The following GLYAT variants were observed in gnomAD, a reference collection of about 807,000 sequenced individuals.
The protein encoded by GLYAT is glycine-N-acyltransferase.
In GLYAT, 25 loss-of-function variants were observed where a neutral mutation model predicts 22.8. The ratio of observed to expected loss-of-function variants is 1.09; its 90% CI spans 0.80 to 1.53. The LOEUF is 1.53. Ranked by LOEUF, GLYAT falls within the 40% of genes most tolerant of loss-of-function variation. The pLI, the probability that GLYAT is intolerant of heterozygous loss-of-function variation, is 0.00. For missense variants in GLYAT, 411 were observed against 353.9 expected (o/e 1.16, Z -1.29); for synonymous variants, 140 against 122.7 (o/e 1.14, Z -0.93).
Position 58,723,890 on chromosome 11 carries a change from G to A in GLYAT, c.81+526C>T, listed in dbSNP as rs568663579. On this transcript the variant is annotated intron_variant, in intron 2 of 5. Transcript: ENST00000344743. ...CTGGGAGCTAGCCCTAAAGTAACTC[G>A]ACCTGCCTTCAATTCAGAGCAATTG... 5.3e-5 allele frequency among the ~76,000 whole-genome samples: 8 copies of A among 151,820 alleles called. No homozygotes were observed. The South Asian group carries it at 8.3e-4, about 16-fold the overall frequency.
chr11:58,710,575 T>C lies in GLYAT; in HGVS notation c.488+15A>G, dbSNP rs531450351. Reference sequence around the variant, plus strand: ...AGAGGTGTGAGTGGTATAGACTGGATTTTATCAAACTCACATGGCCTTGGG... The same window carrying C: ...AGAGGTGTGAGTGGTATAGACTGGACTTTATCAAACTCACATGGCCTTGGG... On this transcript the variant is annotated intron_variant, in intron 5 of 5. Coordinates refer to ENST00000344743, the MANE Select transcript of GLYAT (RefSeq NM_201648.3). The C allele has an allele frequency of 1.3e-6, 2 of 1,581,504 alleles. No homozygotes were observed. The highest frequency in any genetic ancestry group is 1.7e-6 in the Non-Finnish European group (2 of 1,149,838).
chr11:58,728,330 G>C (rs1480175866), intron 1 of GLYAT, among the ~76,000 whole-genome samples: 2 of 151,920 alleles, frequency 1.3e-5, no homozygotes, highest in African/African-American at 4.8e-5. Context: ...CAAAGTGCTG[G>C]GATTACAGGC....
chr11:58,722,803 A>G (rs1006140634), intron 2 of GLYAT, among the ~76,000 whole-genome samples: 1 of 152,082 alleles, frequency 6.6e-6, no homozygotes, highest in Non-Finnish European at 1.5e-5. Flanking sequence ...TGCATTTTAT[A>G]TCTAACACTC....
intron 1 of GLYAT, among the ~76,000 whole-genome samples, chr11:58,730,327 G>T (rs993756397): frequency 6.6e-6 from 1 of 152,042 alleles, no homozygotes; most frequent in Non-Finnish European, 1.5e-5. Context: ...ATAAAAATTA[G>T]TTGGGTATGG....
intron 1 of GLYAT, among the ~76,000 whole-genome samples, chr11:58,726,835 G>A (rs1400666107): frequency 6.6e-6 from 1 of 152,080 alleles, no homozygotes; most frequent in Non-Finnish European, 1.5e-5. Flanking sequence ...CTCATGAAAA[G>A]CCTTCATATG....
intron 4 of GLYAT, among the ~76,000 whole-genome samples, chr11:58,711,356 C>A (rs1856614856): frequency 6.6e-6 from 1 of 152,174 alleles, no homozygotes; most frequent in Non-Finnish European, 1.5e-5. Context: ...ACCCTGTCTC[C>A]TCTGTTCAGT....
chr11:58,710,797 G>A (rs1856606484), intron 4 of GLYAT, 36 bp from the exon 5 acceptor site: 2 of 1,276,674 alleles, frequency 1.6e-6, no homozygotes, highest in South Asian at 2.4e-5. Context: ...AAATGGTTTA[G>A]GTATATTCTA....
At position 58,709,634 on chromosome 11, in the gene GLYAT, G is replaced by T; in HGVS notation, c.*132C>A. On this transcript the variant is annotated 3_prime_UTR_variant, in exon 6 of 6. Coordinates refer to ENST00000344743, the MANE Select transcript of GLYAT (RefSeq NM_201648.3). Reference sequence around the variant, plus strand: ...TGGCGATGCTGTTGAACATCACACTGCTTCCCCAGAGTCCAAACAGTGCCC... The same window carrying T: ...TGGCGATGCTGTTGAACATCACACTTCTTCCCCAGAGTCCAAACAGTGCCC... The T allele has an allele frequency of 1.1e-6, 1 of 922,580 alleles. No individual in the cohort carries two copies. Among genetic ancestry groups the T allele is most frequent in the Non-Finnish European group, 1.6e-6 (1 of 614,212 alleles). The allele number at this position is 922,580 out of a possible 1,614,324, so 57.1% of individuals were successfully genotyped here. A position where few individuals can be genotyped will look rare whatever the true frequency, so the allele number is the denominator to read the frequency against.
intron 2 of GLYAT, among the ~76,000 whole-genome samples, chr11:58,716,988 TTG>T (rs1241518893): frequency 2.0e-5 from 3 of 152,012 alleles, no homozygotes; most frequent in Non-Finnish European, 4.4e-5. Flanking sequence ...ACACAAATGG[TTG>T]TGTTATTTTG....
intron 2 of GLYAT, among the ~76,000 whole-genome samples, chr11:58,717,020 C>T (rs1049493770): frequency 1.3e-5 from 2 of 152,038 alleles, no homozygotes; most frequent in African/African-American, 2.4e-5. Flanking sequence ...TTAGCCTTTC[C>T]AAAGGAGGCA....
chr11:58,720,053 CT>C (rs1434886587), intron 2 of GLYAT, among the ~76,000 whole-genome samples: 7 of 151,782 alleles, frequency 4.6e-5, no homozygotes, highest in African/African-American at 1.7e-4. Flanking sequence ...TCTCTTTAAG[CT>C]TTTTTACCTA....
rs780976003 is a variant in GLYAT, at chr11:58,710,754, C to A, written c.324G>T (p.Gln108His). The change falls in exon 5 of 6, where the codon CAG becomes CAT. Residue 108 changes from glutamine (Q) to histidine (H), a missense_variant. Physicochemically the swap from Gln to His is conservative, Grantham distance 24. Transcript: ENST00000344743. ...WKQHLQIQSSQPSLNEAIQNL... is the reference protein window; with the variant it reads ...WKQHLQIQSSHPSLNEAIQNL... ...TTTGTATAGCCTCATTCAGGCTAGG[C>A]TGTGAACCTAGACGGTATAATAAAC... The A allele has an allele frequency of 6.3e-7, 1 of 1,590,964 alleles. No homozygotes were observed. The highest frequency in any genetic ancestry group is 1.1e-5 in the South Asian group (1 of 90,624).
At chr11:58,730,330 G>C (rs567961380) in intron 1 of GLYAT, among the ~76,000 whole-genome samples, 1 of 152,132 alleles carries the variant, frequency 6.6e-6, no homozygotes, top group Admixed American at 6.6e-5. Context: ...AAAATTAGTT[G>C]GGTATGGTGA....
chr11:58,715,454 G>T, intron 2 of GLYAT, 31 bp from the exon 3 acceptor site: 1 of 989,224 alleles, frequency 1.0e-6, no homozygotes, highest in Non-Finnish European at 1.6e-6. Context: ...GACAGGGTTG[G>T]TTTATTTGAA....
At chr11:58,720,552 G>T (rs1856737002) in intron 2 of GLYAT, among the ~76,000 whole-genome samples, 1 of 151,960 alleles carries the variant, frequency 6.6e-6, no homozygotes, top group Non-Finnish European at 1.5e-5. Flanking sequence ...GAGGAACTTG[G>T]TTTATAGTTT....
chr11:58,715,340 T>C lies in GLYAT; in HGVS notation c.165A>G (p.Thr55=). 2 of 1,563,390 alleles carry C rather than the reference T, an allele frequency of 1.3e-6. No individual in the cohort carries two copies. Among genetic ancestry groups the C allele is most frequent in the African/African-American group, 1.4e-5 (1 of 73,990 alleles). The change falls in exon 3 of 6, where the codon ACA becomes ACG. Residue 55 remains threonine (T), a synonymous_variant. Coordinates refer to ENST00000344743, the MANE Select transcript of GLYAT (RefSeq NM_201648.3). ...CCTGCTCCTGAGGGCAGACAACCAC[T>C]GTATTAAAATCAGGCCACTTGTCCA... The part of the protein sequence containing the change: ...AVVDKWPDFN[T]VVVCPQEQDM...
At chr11:58,713,264 G>A (rs1856639220) in intron 3 of GLYAT, among the ~76,000 whole-genome samples, 1 of 151,960 alleles carries the variant, frequency 6.6e-6, no homozygotes, top group Admixed American at 6.6e-5. Flanking sequence ...AATTATTTCT[G>A]AATTCTTTAA....
At chr11:58,730,661 A>C (rs993640142) in intron 1 of GLYAT, among the ~76,000 whole-genome samples, 1 of 152,172 alleles carries the variant, frequency 6.6e-6, no homozygotes, top group Non-Finnish European at 1.5e-5. Context: ...TGTCAGTTCC[A>C]GTGGAATCTA....
chr11:58,711,106 T>C (rs1423024853), intron 4 of GLYAT, among the ~76,000 whole-genome samples: 1 of 152,220 alleles, frequency 6.6e-6, no homozygotes, highest in Non-Finnish European at 1.5e-5. Flanking sequence ...TACCCTGGCA[T>C]ACTTATACTG....
Sources: gnomAD v4.1 joint callset for allele counts (sites outside exome capture counted in the v4.1 genomes callset) on GRCh38, gnomAD v4.1.1 for gene constraint, MANE v1.5 for transcripts, NCBI Gene and HGNC (gene_info 2026-07-23, HGNC 2026-07-21) for gene names.